NR3C2: variants seen among roughly 807,000 people sequenced by gnomAD.
NR3C2 encodes the protein nuclear receptor subfamily 3 group C member 2, also known as mineralocorticoid receptor.
In NR3C2, 15 loss-of-function variants were observed where a neutral mutation model predicts 86.4. The observed-to-expected ratio is 0.17, with a 90% CI of 0.12 to 0.27. The LOEUF is 0.27. Ranked by LOEUF, NR3C2 falls within the 10% of genes least tolerant of loss-of-function variation. The pLI is 1.00. For synonymous variants in NR3C2, 458 were observed against 450.5 expected, an observed-to-expected ratio of 1.02 and a Z score of -0.21; for missense variants, 960 against 1,195.6, an observed-to-expected ratio of 0.80 and a Z score of 2.91.
At chr4:148,403,166 T>C (rs775516134) in intron 2 of NR3C2, among the ~76,000 whole-genome samples, 6 of 152,058 alleles carry the variant, frequency 3.9e-5, no homozygotes, top group Non-Finnish European at 8.8e-5. Context: ...ATTACAAAAA[T>C]AGTCTACAGT....
chr4:148,114,002 A>G (rs1023886980), intron 8 of NR3C2, 102 bp downstream of exon 8: 3 of 1,387,898 alleles, frequency 2.2e-6, no homozygotes, highest in African/African-American at 1.4e-5. Flanking sequence ...ACAGAGGTCT[A>G]GCATGACACC....
chr4:148,437,109 T>C (rs765381524), intron 1 of NR3C2, among the ~76,000 whole-genome samples: 13 of 152,196 alleles, frequency 8.5e-5, no homozygotes, highest in Non-Finnish European at 5.9e-5. Flanking sequence ...AAAAGTAACA[T>C]GTTTGCTATA....
At chr4:148,370,405 C>T (rs1746357357) in intron 2 of NR3C2, among the ~76,000 whole-genome samples, 2 of 152,124 alleles carry the variant, frequency 1.3e-5, no homozygotes, top group South Asian at 2.1e-4. Context: ...GAGATGGTTG[C>T]TATTCACTTT....
intron 4 of NR3C2, among the ~76,000 whole-genome samples, chr4:148,190,016 T>G (rs1021352901): frequency 6.6e-6 from 1 of 152,174 alleles, no homozygotes; most frequent in African/African-American, 2.4e-5. Flanking sequence ...TCTTTTGTAT[T>G]GTTTGTTTGT....
At chr4:148,303,195 G>T (rs2149925084) in intron 2 of NR3C2, among the ~76,000 whole-genome samples, 1 of 152,192 alleles carries the variant, frequency 6.6e-6, no homozygotes, top group South Asian at 2.1e-4. Context: ...TTTCACATTT[G>T]ACATTAAATT....
At chr4:148,355,580 A>G (rs1745513273) in intron 2 of NR3C2, among the ~76,000 whole-genome samples, 1 of 152,162 alleles carries the variant, frequency 6.6e-6, no homozygotes, top group Non-Finnish European at 1.5e-5. Context: ...ACCTGGGAAC[A>G]AAGCCAGCAC....
chr4:148,119,929 G>A (rs1457569547), intron 7 of NR3C2, among the ~76,000 whole-genome samples: 1 of 152,162 alleles, frequency 6.6e-6, no homozygotes, highest in Non-Finnish European at 1.5e-5. Flanking sequence ...CTGAGTGGTT[G>A]GATGGATGAA....
intron 3 of NR3C2, among the ~76,000 whole-genome samples, chr4:148,216,771 AT>A (rs1430343418): frequency 6.6e-6 from 1 of 152,232 alleles, no homozygotes; most frequent in Non-Finnish European, 1.5e-5. Flanking sequence ...AGTATCAGAC[AT>A]GGTCCTACTG....
intron 2 of NR3C2, among the ~76,000 whole-genome samples, chr4:148,358,948 A>G (rs1054727009): frequency 8.3e-6 from 1 of 120,448 alleles, no homozygotes; most frequent in African/African-American, 3.2e-5. Flanking sequence ...AAAATAAGCT[A>G]AACCACAATT....
chr4:148,126,930 G>A (rs935005649), intron 6 of NR3C2, among the ~76,000 whole-genome samples: 2 of 152,206 alleles, frequency 1.3e-5, no homozygotes, highest in Non-Finnish European at 2.9e-5. Flanking sequence ...TCAAAACTCA[G>A]GCCTTCTCCT....
Position 148,309,561 on chromosome 4 carries a change from T to C in NR3C2, c.1758-49444A>G, listed in dbSNP as rs189963364. 1.7e-3 allele frequency among the ~76,000 whole-genome samples: 205 copies of C among 119,844 alleles called. 1 individual carries two copies. Among genetic ancestry groups the C allele is most frequent in the Non-Finnish European group, 1.9e-3 (110 of 56,860 alleles). 78.6% of individuals were successfully genotyped at this position (119,844 alleles called of 152,430 possible). The stretch of plus-strand genomic sequence containing the variant: ...ATGGATAAAAGATGCAGTGTTTTTA[T>C]GAATAGAATTAGACTTCAGAATCTT... On this transcript the variant is annotated intron_variant, in intron 2 of 8. Coordinates refer to ENST00000358102, the MANE Select transcript of NR3C2 (RefSeq NM_000901.5).
intron 6 of NR3C2, among the ~76,000 whole-genome samples, chr4:148,131,233 G>A (rs529344696): frequency 7.8e-4 from 119 of 152,094 alleles, no homozygotes; most frequent in Non-Finnish European, 1.4e-3. Flanking sequence ...TGTCAATCTC[G>A]CAACAGAGAG....
At chr4:148,181,837 T>C (rs1213695454) in intron 4 of NR3C2, among the ~76,000 whole-genome samples, 1 of 152,220 alleles carries the variant, frequency 6.6e-6, no homozygotes, top group African/African-American at 2.4e-5. Context: ...AGAATAGTAC[T>C]AGTGGCAGGA....
chr4:148,202,732 T>C (rs1001316073), intron 3 of NR3C2, among the ~76,000 whole-genome samples: 3 of 152,102 alleles, frequency 2.0e-5, no homozygotes, highest in Non-Finnish European at 2.9e-5. Flanking sequence ...TACGGACCCA[T>C]ACAGAGTGAG....
intron 2 of NR3C2, among the ~76,000 whole-genome samples, chr4:148,327,080 C>T (rs370840782): frequency 1.3e-5 from 2 of 152,080 alleles, no homozygotes; most frequent in South Asian, 2.1e-4. Flanking sequence ...TACGTAAGTA[C>T]ACGTTACATA....
intron 8 of NR3C2, among the ~76,000 whole-genome samples, chr4:148,082,543 CT>C (rs1226997988): frequency 6.6e-6 from 1 of 152,134 alleles, no homozygotes; most frequent in Non-Finnish European, 1.5e-5. Flanking sequence ...AGATACTACA[CT>C]TTTCCCAGGG....
chr4:148,291,702 A>C (rs1326909600), intron 2 of NR3C2, among the ~76,000 whole-genome samples: 1 of 152,124 alleles, frequency 6.6e-6, no homozygotes, highest in African/African-American at 2.4e-5. Context: ...ATACTACAGA[A>C]GCATTTCCAT....
At chr4:148,354,727 T>C (rs1392315659) in intron 2 of NR3C2, among the ~76,000 whole-genome samples, 1 of 152,120 alleles carries the variant, frequency 6.6e-6, no homozygotes, top group African/African-American at 2.4e-5. Flanking sequence ...CATTCGTATA[T>C]AAAGTATCTC....
intron 6 of NR3C2, among the ~76,000 whole-genome samples, chr4:148,139,746 T>A (rs1023099529): frequency 2.6e-5 from 4 of 152,224 alleles, no homozygotes; most frequent in African/African-American, 9.7e-5. Flanking sequence ...ATGACCTTCT[T>A]GTTTGTTTCC....
Sources: allele counts gnomAD v4.1 joint callset (sites outside exome capture counted in the v4.1 genomes callset), GRCh38; gene constraint gnomAD v4.1.1; transcripts MANE v1.5; gene names NCBI Gene and HGNC (gene_info 2026-07-23, HGNC 2026-07-21).